Variants in ALK observed in about 807,000 individuals in gnomAD.
ALK encodes ALK receptor tyrosine kinase, also known as ALK tyrosine kinase receptor.
Under a neutral mutation model 163.1 loss-of-function variants are expected in ALK, and 74 were observed. The ratio of observed to expected loss-of-function variants is 0.45; its 90% CI spans 0.38 to 0.55. ALK has a LOEUF of 0.55. Among genes scored for constraint, ALK ranks in the 20% least tolerant of loss-of-function variants. The pLI, the probability that ALK is intolerant of heterozygous loss-of-function variation, is 0.00. For synonymous variants in ALK, 960 were observed against 843.2 expected (o/e 1.14, Z -2.40); for missense variants, 2,063 against 2,105.3 (o/e 0.98, Z 0.39).
At chr2:29,685,616 C>G (rs1678213597) in intron 3 of ALK, among the ~76,000 whole-genome samples, 1 of 141,286 alleles carries the variant, frequency 7.1e-6, no homozygotes, top group Non-Finnish European at 1.6e-5. Flanking sequence ...CTTCTAGAAT[C>G]GTGCCCCAGG....
At chr2:29,851,310 G>A (rs1452397601) in intron 1 of ALK, among the ~76,000 whole-genome samples, 1 of 152,078 alleles carries the variant, frequency 6.6e-6, no homozygotes, top group East Asian at 1.9e-4. Flanking sequence ...CCTCACAGCT[G>A]GCTGCTTCCT....
At chr2:29,241,951 G>A (rs1664536397) in intron 12 of ALK, among the ~76,000 whole-genome samples, 1 of 152,104 alleles carries the variant, frequency 6.6e-6, no homozygotes, top group Admixed American at 6.5e-5. Flanking sequence ...ATGTGCTGCT[G>A]GGATGCACAA....
rs1470201565 is a variant in ALK, at chr2:29,831,162, G to GGGA, written c.667+88830_667+88831insTCC. ...GAAGAAGGGGAAGAAGGGGAAGAAGGAGAAGAGGAAGAGGAAGGGGAAGGG... is the reference window on the plus strand; with the variant it reads ...GAAGAAGGGGAAGAAGGGGAAGAAGGGGAAGAAGAGGAAGAGGAAGGGGAAGGG... On this transcript the variant is annotated intron_variant, in intron 1 of 28. Coordinates refer to ENST00000389048, the MANE Select transcript of ALK (RefSeq NM_004304.5). Among the ~76,000 whole-genome samples the GGGA allele has an allele frequency of 6.6e-4, 28 of 42,350 alleles. 3 individuals carry two copies. Among genetic ancestry groups the GGGA allele is most frequent in the African/African-American group, 2.4e-3 (27 of 11,396 alleles). The allele number at this position is 42,350 out of a possible 152,430, so 27.8% of individuals were successfully genotyped here.
At chr2:29,704,436 T>C (rs1469298204) in intron 2 of ALK, among the ~76,000 whole-genome samples, 1 of 152,210 alleles carries the variant, frequency 6.6e-6, no homozygotes, top group African/African-American at 2.4e-5. Context: ...CAGTGGCTGG[T>C]TGCAAGGCTG....
At chr2:29,297,206 C>T in intron 8 of ALK, 149 bp from the exon 9 acceptor site, 1 of 806,408 alleles carries the variant, frequency 1.2e-6, no homozygotes. Context: ...CCTGTCTCAC[C>T]AAGAGGCTTT....
intron 5 of ALK, among the ~76,000 whole-genome samples, chr2:29,354,059 G>A (rs1299695792): frequency 6.6e-6 from 1 of 151,962 alleles, no homozygotes; most frequent in Non-Finnish European, 1.5e-5. Context: ...GCCTTTCACT[G>A]ACTTTTATAG....
At chr2:29,667,324 T>C (rs573164432) in intron 3 of ALK, among the ~76,000 whole-genome samples, 37 of 152,240 alleles carry the variant, frequency 2.4e-4, no homozygotes, top group African/African-American at 8.7e-4. Flanking sequence ...CTGAATAAAT[T>C]ACTCTGGCCA....
At chr2:29,730,356 T>C (rs1679706685) in intron 1 of ALK, among the ~76,000 whole-genome samples, 1 of 152,220 alleles carries the variant, frequency 6.6e-6, no homozygotes, top group Non-Finnish European at 1.5e-5. Context: ...ATTATAGTGT[T>C]ATGTAAGTGC....
chr2:29,775,141 C>T (rs1316280196), intron 1 of ALK, among the ~76,000 whole-genome samples: 1 of 152,120 alleles, frequency 6.6e-6, no homozygotes, highest in Admixed American at 6.5e-5. Context: ...ACAAGGTCCC[C>T]TTTGACTGAC....
At chr2:29,915,353 T>C (rs1667808244) in intron 1 of ALK, among the ~76,000 whole-genome samples, 1 of 152,198 alleles carries the variant, frequency 6.6e-6, no homozygotes, top group African/African-American at 2.4e-5. Context: ...CCTGAGTAGC[T>C]GGAACTAAGG....
chr2:29,769,866 T>C (rs4666271), intron 1 of ALK, among the ~76,000 whole-genome samples: 27,667 of 152,140 alleles, frequency 0.18, 2,856 homozygotes, highest in East Asian at 0.36. Flanking sequence ...AGCCAATTGA[T>C]TGAACAGTGA....
intron 4 of ALK, among the ~76,000 whole-genome samples, chr2:29,487,909 A>G (rs889301455): frequency 7.9e-5 from 12 of 152,138 alleles, no homozygotes; most frequent in African/African-American, 2.9e-4. Context: ...GCTCAGCTCA[A>G]ATTCAAAGAC....
chr2:29,754,101 A>G (rs923011084), intron 1 of ALK, among the ~76,000 whole-genome samples: 2 of 152,146 alleles, frequency 1.3e-5, no homozygotes, highest in African/African-American at 4.8e-5. Flanking sequence ...ATAGATGGTT[A>G]AACTAGGTTA....
intron 3 of ALK, among the ~76,000 whole-genome samples, chr2:29,675,263 T>A (rs1190800763): frequency 6.6e-6 from 1 of 152,102 alleles, no homozygotes; most frequent in Non-Finnish European, 1.5e-5. Context: ...TGTAATTAAA[T>A]TTTTTATGGA....
chr2:29,627,232 A>G (rs1291285404), intron 3 of ALK, among the ~76,000 whole-genome samples: 1 of 152,132 alleles, frequency 6.6e-6, no homozygotes, highest in Non-Finnish European at 1.5e-5. Context: ...TTGTCCAATT[A>G]AAACAGAAAA....
intron 11 of ALK, among the ~76,000 whole-genome samples, chr2:29,264,237 A>C (rs13411869): frequency 0.064 from 9,697 of 152,268 alleles, 394 homozygotes; most frequent in Middle Eastern, 0.12. Context: ...GGGTGTTGCA[A>C]GGATGTTGTG....
intron 5 of ALK, among the ~76,000 whole-genome samples, chr2:29,362,894 A>G (rs1463310143): frequency 6.6e-6 from 1 of 152,240 alleles, no homozygotes; most frequent in Non-Finnish European, 1.5e-5. Flanking sequence ...AATGCAAGGC[A>G]TATATAATTT....
chr2:29,629,858 G>A (rs978134194), intron 3 of ALK, among the ~76,000 whole-genome samples: 8 of 152,052 alleles, frequency 5.3e-5, no homozygotes, highest in African/African-American at 1.9e-4. Flanking sequence ...ATGCAGGTTG[G>A]CCTGACTTCA....
At chr2:29,873,841 C>G (rs933304746) in intron 1 of ALK, among the ~76,000 whole-genome samples, 1 of 151,790 alleles carries the variant, frequency 6.6e-6, no homozygotes, top group South Asian at 2.1e-4. Flanking sequence ...TAGCAATAAC[C>G]GCCTGATAAT....
Sources: gnomAD v4.1 joint callset for allele counts (sites outside exome capture counted in the v4.1 genomes callset) on GRCh38, gnomAD v4.1.1 for gene constraint, MANE v1.5 for transcripts, NCBI Gene and HGNC (gene_info 2026-07-23, HGNC 2026-07-21) for gene names.